Variants in ASTN2 observed in about 807,000 individuals in gnomAD.
The protein encoded by ASTN2 is astrotactin 2.
Under a neutral mutation model 139.8 loss-of-function variants are expected in ASTN2, and 54 were observed. The observed-to-expected ratio is 0.39, with a 90% CI of 0.31 to 0.48. The LOEUF is 0.48. Ranked by LOEUF, ASTN2 falls within the 20% of genes least tolerant of loss-of-function variation. The pLI is 0.95. For missense variants in ASTN2, 1,565 were observed against 1,725.1 expected, an observed-to-expected ratio of 0.91 and a Z score of 1.64; for synonymous variants, 756 against 719.5, an observed-to-expected ratio of 1.05 and a Z score of -0.81.
intron 2 of ASTN2, among the ~76,000 whole-genome samples, chr9:117,225,535 G>A (rs4403482): frequency 1.1e-4 from 7 of 63,936 alleles, no homozygotes; most frequent in Admixed American, 2.0e-4. Context: ...CAAGCTGTAT[G>A]TATATATATA....
intron 20 of ASTN2, among the ~76,000 whole-genome samples, chr9:116,472,057 G>C (rs755868301): frequency 6.6e-6 from 1 of 151,996 alleles, no homozygotes; most frequent in Non-Finnish European, 1.5e-5. Context: ...GCCAGACCCC[G>C]AGCTAGTCTC....
chr9:116,463,711 C>A (rs1436274194), intron 20 of ASTN2, among the ~76,000 whole-genome samples: 1 of 152,106 alleles, frequency 6.6e-6, no homozygotes, highest in African/African-American at 2.4e-5. Flanking sequence ...TAGTGTCTTG[C>A]AAATAACTTC....
chr9:116,980,017 T>G (rs1836462620), intron 7 of ASTN2, among the ~76,000 whole-genome samples: 2 of 152,132 alleles, frequency 1.3e-5, no homozygotes, highest in Non-Finnish European at 2.9e-5. Context: ...AATATATATT[T>G]TGCAATTAAG....
At chr9:117,107,835 C>T (rs1373588100) in intron 4 of ASTN2, among the ~76,000 whole-genome samples, 2 of 152,192 alleles carry the variant, frequency 1.3e-5, no homozygotes, top group African/African-American at 2.4e-5. Flanking sequence ...AAGTAAAGAA[C>T]GTTTTGTACT....
At chr9:116,707,252 C>T (rs1828011864) in intron 16 of ASTN2, among the ~76,000 whole-genome samples, 1 of 136,942 alleles carries the variant, frequency 7.3e-6, no homozygotes, top group Non-Finnish European at 1.5e-5. Flanking sequence ...CTTCCTACTT[C>T]TGCCTATGCC....
At chr9:116,764,927 C>T (rs1310576403) in intron 13 of ASTN2, among the ~76,000 whole-genome samples, 1 of 152,170 alleles carries the variant, frequency 6.6e-6, no homozygotes, top group African/African-American at 2.4e-5. Flanking sequence ...GAGATGCCCC[C>T]ACCGTACCTT....
chr9:116,478,189 A>G (rs1169624446), intron 20 of ASTN2, among the ~76,000 whole-genome samples: 5 of 109,660 alleles, frequency 4.6e-5, no homozygotes, highest in African/African-American at 1.8e-4. Flanking sequence ...GGGAGAAAGG[A>G]AGGAAGGAAA....
intron 19 of ASTN2, among the ~76,000 whole-genome samples, chr9:116,564,772 T>A (rs1002331149): frequency 4.0e-5 from 6 of 149,980 alleles, no homozygotes; most frequent in African/African-American, 1.5e-4. Flanking sequence ...ATCTAGTTAT[T>A]CATTCATTCA....
At chr9:116,643,202 GATA>G (rs771601841) in intron 17 of ASTN2, among the ~76,000 whole-genome samples, 9 of 152,126 alleles carry the variant, frequency 5.9e-5, no homozygotes, top group African/African-American at 1.4e-4. Context: ...GTTGGCACTC[GATA>G]ATTGTTAGGT....
intron 10 of ASTN2, among the ~76,000 whole-genome samples, chr9:116,867,178 A>G (rs1162152221): frequency 3.9e-5 from 6 of 152,168 alleles, no homozygotes; most frequent in Non-Finnish European, 8.8e-5. Context: ...GGAAAAAGAA[A>G]GCAAAGAGAG....
chr9:116,707,193 G>A (rs916932539), intron 16 of ASTN2, among the ~76,000 whole-genome samples: 1 of 143,554 alleles, frequency 7.0e-6, no homozygotes, highest in African/African-American at 2.6e-5. Context: ...ATGCTATGGT[G>A]CACACTCCCA....
chr9:117,165,286 T>G (rs937788831), intron 3 of ASTN2, among the ~76,000 whole-genome samples: 2 of 152,120 alleles, frequency 1.3e-5, no homozygotes, highest in Non-Finnish European at 1.5e-5. Context: ...AGTACTTTTC[T>G]TCAGTCTCTG....
At chr9:116,616,872 A>G (rs1470568084) in intron 19 of ASTN2, among the ~76,000 whole-genome samples, 4 of 152,200 alleles carry the variant, frequency 2.6e-5, no homozygotes, top group Non-Finnish European at 5.9e-5. Context: ...GTACATACAG[A>G]TAAATACAAA....
chr9:116,962,319 G>A (rs745375271), intron 10 of ASTN2, among the ~76,000 whole-genome samples: 7 of 152,172 alleles, frequency 4.6e-5, no homozygotes, highest in African/African-American at 1.2e-4. Flanking sequence ...GAGCTCAGAG[G>A]TTGGCCAGCT....
At chr9:117,346,678 A>C (rs1475714793) in intron 1 of ASTN2, among the ~76,000 whole-genome samples, 1 of 152,200 alleles carries the variant, frequency 6.6e-6, no homozygotes, top group Non-Finnish European at 1.5e-5. Flanking sequence ...GTGGTAACAT[A>C]GATATCTTAG....
At position 116,836,631 on chromosome 9, in the gene ASTN2, C is replaced by T. The variant is rs1381401249; in HGVS notation, c.2041-15848G>A. Among the ~76,000 whole-genome samples the T allele has an allele frequency of 2.0e-5, 3 of 152,182 alleles. No individual in the cohort carries two copies. In the East Asian group the frequency reaches 5.8e-4, roughly 29 times the overall value. ...GTTTTCCTTCACATGTACCTACTGGCATTTCTGAGCTGCAGGCTCCTTTAG... is the reference window on the plus strand; with the variant it reads ...GTTTTCCTTCACATGTACCTACTGGTATTTCTGAGCTGCAGGCTCCTTTAG... On this transcript the variant is annotated intron_variant, in intron 11 of 22. Transcript: ENST00000313400.
chr9:116,974,005 A>C (rs1836279258), intron 10 of ASTN2, among the ~76,000 whole-genome samples: 1 of 152,222 alleles, frequency 6.6e-6, no homozygotes. Flanking sequence ...AAATACTGAT[A>C]GCATTGTGAT....
intron 17 of ASTN2, among the ~76,000 whole-genome samples, chr9:116,632,716 C>G (rs553924198): frequency 6.6e-6 from 1 of 152,284 alleles, no homozygotes; most frequent in South Asian, 2.1e-4. Context: ...TCAAATTGTA[C>G]TCATTCTTTA....
Position 116,442,534 on chromosome 9 carries a change from C to A in ASTN2, c.3517G>T (p.Asp1173Tyr). 6.2e-7 allele frequency: 1 copy of A among 1,614,112 alleles called. No homozygotes were observed. Among genetic ancestry groups the A allele is most frequent in the Non-Finnish European group, 8.5e-7 (1 of 1,180,020 alleles). The change falls in exon 21 of 23, where the codon GAT becomes TAT. Residue 1173 changes from aspartate to tyrosine, a missense_variant. Transcript: ENST00000313400. ...GLYKFTLYAVDTRGRHSELST... is the reference protein window; with the variant it reads ...GLYKFTLYAVYTRGRHSELST... Reference sequence around the variant, plus strand: ...AGCTCTGAGTGCCTCCCTCGTGTATCCACAGCATACAGAGTGAACCTGCAG... The same window carrying A: ...AGCTCTGAGTGCCTCCCTCGTGTATACACAGCATACAGAGTGAACCTGCAG...
Sources: allele counts gnomAD v4.1 joint callset (sites outside exome capture counted in the v4.1 genomes callset), GRCh38; gene constraint gnomAD v4.1.1; transcripts MANE v1.5; gene names NCBI Gene and HGNC (gene_info 2026-07-23, HGNC 2026-07-21).